The following TARS3 variants were observed in gnomAD, a reference collection of about 807,000 sequenced individuals.
TARS3 encodes the protein threonyl-tRNA synthetase 3.
TARS3 carries 94 observed loss-of-function variants against 103.5 expected under a neutral mutation model. The ratio of observed to expected loss-of-function variants is 0.91; its 90% CI spans 0.77 to 1.08. The LOEUF is 1.08. TARS3 is among the 50% of genes least tolerant of loss of function. The pLI is 0.00. For synonymous variants in TARS3, 416 were observed against 355.4 expected (o/e 1.17, Z -1.92); for missense variants, 952 against 995.2 (o/e 0.96, Z 0.58).
At position 101,721,084 on chromosome 15, in the gene TARS3, T is replaced by G. The variant is rs1026855909; in HGVS notation, c.566+42A>C. 6.6e-6 allele frequency: 10 copies of G among 1,521,548 alleles called. No homozygotes were observed. The Admixed American group carries it at 1.4e-4, about 22-fold the overall frequency. 94.3% of individuals were successfully genotyped at this position (1,521,548 alleles called of 1,614,324 possible). The stretch of plus-strand genomic sequence containing the variant: ...AAAACATTTTCACCAGGCTTCAGTA[T>G]AATTACTTAAGATTGAATATCTTTT... On this transcript the variant is annotated intron_variant, in intron 3 of 18. Coordinates refer to ENST00000335968, the MANE Select transcript of TARS3 (RefSeq NM_152334.3).
At chr15:101,678,577 G>A (rs76804780) in intron 12 of TARS3, among the ~76,000 whole-genome samples, 1,838 of 151,824 alleles carry the variant, frequency 0.012, 48 homozygotes, top group African/African-American at 0.043. Flanking sequence ...ACCAGCTCAG[G>A]TGAAGTACAA....
In TARS3 at chr15:101,671,802, C is replaced by A. The variant is rs943271014; in HGVS notation, c.1789-54G>T. On this transcript the variant is annotated intron_variant, in intron 13 of 18. Coordinates refer to ENST00000335968, the MANE Select transcript of TARS3 (RefSeq NM_152334.3). ...TTATACACTGTATCTTTTTTTTTTA[C>A]ATACAGCTCACAAAAGTTACTATAA... 19 of 1,382,266 alleles carry A rather than the reference C, an allele frequency of 1.4e-5. No individual in the cohort carries two copies. In the Admixed American group the frequency reaches 3.1e-4, roughly 22 times the overall value. The allele number at this position is 1,382,266 out of a possible 1,614,324, so 85.6% of individuals were successfully genotyped here. A position where few individuals can be genotyped will look rare whatever the true frequency, so the allele number is the denominator to read the frequency against.
chr15:101,718,215 A>C (rs757198234), intron 3 of TARS3, among the ~76,000 whole-genome samples: 1 of 152,120 alleles, frequency 6.6e-6, no homozygotes, highest in Non-Finnish European at 1.5e-5. Flanking sequence ...CTAAAAATAC[A>C]AAATTAGCTG....
At chr15:101,656,383 G>T (rs1275218769) in intron 18 of TARS3, among the ~76,000 whole-genome samples, 1 of 152,184 alleles carries the variant, frequency 6.6e-6, no homozygotes, top group Non-Finnish European at 1.5e-5. Context: ...TACTGTGCCT[G>T]CAGTTATATC....
chr15:101,675,008 T>C (rs541105162), intron 13 of TARS3, among the ~76,000 whole-genome samples: 1 of 152,170 alleles, frequency 6.6e-6, no homozygotes, highest in African/African-American at 2.4e-5. Context: ...GCAGGGTGTC[T>C]GGCCATGACA....
At chr15:101,678,920 A>G (rs1370692409) in intron 12 of TARS3, among the ~76,000 whole-genome samples, 1 of 151,996 alleles carries the variant, frequency 6.6e-6, no homozygotes, top group Non-Finnish European at 1.5e-5. Context: ...TGGGTTGAAA[A>G]TTCCTTTTTC....
intron 10 of TARS3, among the ~76,000 whole-genome samples, chr15:101,690,169 T>TG (rs1472546737): frequency 1.3e-5 from 2 of 152,216 alleles, no homozygotes; most frequent in Non-Finnish European, 2.9e-5. Context: ...TGAGCCAGGC[T>TG]GGTTATTTTC....
intron 13 of TARS3, among the ~76,000 whole-genome samples, chr15:101,673,870 A>G (rs909214240): frequency 4.6e-5 from 7 of 152,042 alleles, no homozygotes; most frequent in Non-Finnish European, 8.8e-5. Flanking sequence ...ACGTAAAAAT[A>G]ATTGTTATAC....
At position 101,711,917 on chromosome 15, in the gene TARS3, C is replaced by G. The variant is rs774732038; in HGVS notation, c.775G>C (p.Glu259Gln). The G allele has an allele frequency of 1.1e-5, 17 of 1,613,940 alleles. No homozygotes were observed. In the South Asian group the frequency reaches 1.5e-4, roughly 15 times the overall value. Residue 259 changes from glutamate to glutamine, a missense_variant, in exon 5 of 19, where the codon GAA becomes CAA. This residue lies in a region of TARS3 where 412 missense variants were observed against 364.2 expected (regional missense o/e 1.13). Coordinates refer to ENST00000335968, the MANE Select transcript of TARS3 (RefSeq NM_152334.3). ...GGHLCYGPPI[E>Q]NGFYYDMFIE... is the part of the protein sequence containing the mutation. ...AACATGTCATAATAAAATCCATTTT[C>G]AATGGGCGGACCGTAGCACAGGTGG...
intron 11 of TARS3, among the ~76,000 whole-genome samples, chr15:101,685,425 T>C (rs1296201847): frequency 6.6e-6 from 1 of 152,160 alleles, no homozygotes; most frequent in East Asian, 1.9e-4. Flanking sequence ...AATGCTAAGA[T>C]GCCACCAACT....
At chr15:101,715,100 T>C (rs955629462) in intron 3 of TARS3, 137 bp from the exon 4 acceptor site, 1 of 762,842 alleles carries the variant, frequency 1.3e-6, no homozygotes, top group African/African-American at 1.8e-5. Context: ...GACAGATATT[T>C]CTTGTTTTGC....
chr15:101,665,421 C>T (rs1015978390), intron 15 of TARS3, among the ~76,000 whole-genome samples: 2 of 152,126 alleles, frequency 1.3e-5, no homozygotes, highest in South Asian at 2.1e-4. Flanking sequence ...AAAAATAAAA[C>T]CCCCAAACTA....
At chr15:101,714,796 A>G (rs374948163) in intron 4 of TARS3, 44 bp downstream of exon 4, 2 of 1,591,178 alleles carry the variant, frequency 1.3e-6, no homozygotes, top group Non-Finnish European at 1.7e-6. Flanking sequence ...GTAGTTTACA[A>G]CATAACTACC....
chr15:101,707,640 G>A (rs117006106), intron 6 of TARS3, among the ~76,000 whole-genome samples: 4,340 of 152,214 alleles, frequency 0.029, 89 homozygotes, highest in Non-Finnish European at 0.048. Flanking sequence ...TGAAGTGCCT[G>A]GAGGAACCAA....
chr15:101,656,097 A>G, intron 18 of TARS3: 2 of 1,255,170 alleles, frequency 1.6e-6, no homozygotes, highest in Middle Eastern at 2.2e-4. Context: ...AGAAATGGGG[A>G]GAAATACTCC....
At chr15:101,674,791 C>T (rs1367869998) in intron 13 of TARS3, among the ~76,000 whole-genome samples, 3 of 146,308 alleles carry the variant, frequency 2.1e-5, no homozygotes, top group Middle Eastern at 3.5e-3. Flanking sequence ...AGCAACAGAG[C>T]AAGACTCCGT....
At chr15:101,669,478 G>A (rs2141388995) in intron 15 of TARS3, among the ~76,000 whole-genome samples, 1 of 152,264 alleles carries the variant, frequency 6.6e-6, no homozygotes, top group Middle Eastern at 3.4e-3. Flanking sequence ...GTCTACAGTA[G>A]TATACACTAA....
intron 3 of TARS3, among the ~76,000 whole-genome samples, chr15:101,715,300 CTA>C (rs1900093864): frequency 1.3e-5 from 2 of 151,348 alleles, no homozygotes; most frequent in Non-Finnish European, 3.0e-5. Context: ...GCGCCCGCCA[CTA>C]CGCGCGGCTA....
intron 3 of TARS3, among the ~76,000 whole-genome samples, chr15:101,719,752 C>T (rs1293040052): frequency 6.6e-6 from 1 of 152,176 alleles, no homozygotes; most frequent in African/African-American, 2.4e-5. Flanking sequence ...ACAAAGAAAC[C>T]CTACCTAGGA....
Sources: allele counts gnomAD v4.1 joint callset (sites outside exome capture counted in the v4.1 genomes callset), GRCh38; gene constraint gnomAD v4.1.1; regional missense constraint gnomAD v4.1.1; transcripts MANE v1.5; gene names NCBI Gene and HGNC (gene_info 2026-07-23, HGNC 2026-07-21).